The following PPP2R2B variants were observed in gnomAD, a reference collection of about 807,000 sequenced individuals.
PPP2R2B encodes serine/threonine-protein phosphatase 2A 55 kDa regulatory subunit B beta isoform.
A neutral mutation model predicts 46.0 loss-of-function variants in PPP2R2B; 5 were observed. The ratio of observed to expected loss-of-function variants is 0.11; its 90% CI spans 0.06 to 0.23. The LOEUF (loss-of-function observed/expected upper bound fraction) is 0.23. Among genes scored for constraint, PPP2R2B ranks in the 10% least tolerant of loss-of-function variants. PPP2R2B has a pLI of 1.00. For missense variants in PPP2R2B, 367 were observed against 575.0 expected (o/e 0.64, Z 3.70); for synonymous variants, 215 against 206.7 (o/e 1.04, Z -0.34).
chr5:146,797,853 T>A (rs575477961), intron 2 of PPP2R2B, among the ~76,000 whole-genome samples: 1 of 152,302 alleles, frequency 6.6e-6, no homozygotes, highest in South Asian at 2.1e-4. Flanking sequence ...AGAAAGCGGC[T>A]GCCTAAAGAC....
intron 1 of PPP2R2B, among the ~76,000 whole-genome samples, chr5:146,959,411 G>T (rs1561541813): frequency 6.6e-6 from 1 of 152,116 alleles, no homozygotes; most frequent in Non-Finnish European, 1.5e-5. Context: ...TGTAGTATAG[G>T]TATCAAGTGC....
intron 1 of PPP2R2B, among the ~76,000 whole-genome samples, chr5:146,943,742 A>G (rs1764396142): frequency 6.6e-6 from 1 of 152,162 alleles, no homozygotes; most frequent in Non-Finnish European, 1.5e-5. Flanking sequence ...GAAAATCTGT[A>G]AGGAGTTATA....
intron 7 of PPP2R2B, among the ~76,000 whole-genome samples, chr5:146,626,348 T>G (rs1411778458): frequency 6.6e-6 from 1 of 152,216 alleles, no homozygotes; most frequent in Non-Finnish European, 1.5e-5. Context: ...GTTATGATAC[T>G]TATATGAATG....
At chr5:146,849,784 T>G (rs1157188561) in intron 2 of PPP2R2B, among the ~76,000 whole-genome samples, 2 of 152,254 alleles carry the variant, frequency 1.3e-5, no homozygotes, top group East Asian at 3.9e-4. Flanking sequence ...CCACAGCAAT[T>G]TACATTTATT....
At chr5:146,907,498 G>A (rs1403273076) in intron 1 of PPP2R2B, among the ~76,000 whole-genome samples, 2 of 152,180 alleles carry the variant, frequency 1.3e-5, no homozygotes, top group African/African-American at 4.8e-5. Flanking sequence ...GAAGGGCAAA[G>A]TCTACAACAG....
In PPP2R2B at chr5:146,678,648, T is replaced by C. The variant is rs1172069063; in HGVS notation, c.447+12480A>G. On this transcript the variant is annotated intron_variant, in intron 5 of 9. Transcript: ENST00000394411. Reference sequence around the variant, plus strand: ...TGATTGTATATCTAGAAAACCCCATTGTCTCAGCCCAAAATCTCCTTAAGC... The same window carrying C: ...TGATTGTATATCTAGAAAACCCCATCGTCTCAGCCCAAAATCTCCTTAAGC... 7.2e-3 allele frequency among the ~76,000 whole-genome samples: 1,050 copies of C among 145,240 alleles called. 21 individuals are homozygous for C. The highest frequency in any genetic ancestry group is 0.027 in the African/African-American group (996 of 37,062).
chr5:146,831,694 G>A (rs963356266), intron 2 of PPP2R2B, among the ~76,000 whole-genome samples: 4 of 152,154 alleles, frequency 2.6e-5, no homozygotes, highest in Non-Finnish European at 5.9e-5. Flanking sequence ...AGGAGGCTGA[G>A]GCAGGAGAAT....
chr5:146,794,687 G>A (rs765428407), intron 2 of PPP2R2B, among the ~76,000 whole-genome samples: 3 of 152,156 alleles, frequency 2.0e-5, no homozygotes, highest in Admixed American at 6.5e-5. Flanking sequence ...CTGCACAAAT[G>A]ATTTCCTTCA....
At chr5:146,730,951 C>T (rs1752192926) in intron 2 of PPP2R2B, among the ~76,000 whole-genome samples, 1 of 152,132 alleles carries the variant, frequency 6.6e-6, no homozygotes, top group Non-Finnish European at 1.5e-5. Context: ...CAAGAAGAAA[C>T]CGATGAGGCC....
intron 2 of PPP2R2B, among the ~76,000 whole-genome samples, chr5:146,719,710 A>G (rs754797161): frequency 6.6e-6 from 1 of 152,178 alleles, no homozygotes; most frequent in South Asian, 2.1e-4. Context: ...TGGATAGGTC[A>G]TATCTGACAA....
At chr5:146,952,178 C>T (rs1248910165) in intron 1 of PPP2R2B, among the ~76,000 whole-genome samples, 5 of 151,920 alleles carry the variant, frequency 3.3e-5, no homozygotes, top group Non-Finnish European at 4.4e-5. Context: ...AATAACTCTC[C>T]CTTTCTTTCT....
rs1419912283 is a variant in PPP2R2B at position 146,878,404 on chromosome 5, C to T, written c.-125+187G>A. Reference sequence around the variant, plus strand: ...GTGCCCCGAGGGGTCTGGTCCCGCCCGCCCGCCCCGGAGGCGCTCACAAGC... The same window carrying T: ...GTGCCCCGAGGGGTCTGGTCCCGCCTGCCCGCCCCGGAGGCGCTCACAAGC... On this transcript the variant is annotated intron_variant, in intron 1 of 9. Transcript: ENST00000394411. The surrounding 1 kb of genome is among the most constrained non-coding windows in gnomAD (Gnocchi z 4.5). The T allele has an allele frequency of 1.2e-5, 17 of 1,422,686 alleles. No homozygotes were observed. The highest frequency in any genetic ancestry group is 2.9e-5 in the African/African-American group (2 of 69,276). The allele number at this position is 1,422,686 out of a possible 1,614,324, so 88.1% of individuals were successfully genotyped here. A position where few individuals can be genotyped will look rare whatever the true frequency, so the allele number is the denominator to read the frequency against.
chr5:146,633,253 C>G (rs1184789299), intron 7 of PPP2R2B, among the ~76,000 whole-genome samples: 1 of 152,164 alleles, frequency 6.6e-6, no homozygotes, highest in South Asian at 2.1e-4. Flanking sequence ...CGGTTCTCCT[C>G]GGCATTTTGA....
At position 146,698,112 on chromosome 5, in the gene PPP2R2B, G is replaced by A. The variant is rs1779287807; in HGVS notation, c.201C>T (p.Tyr67=). 3.7e-6 allele frequency: 6 copies of A among 1,607,402 alleles called. No homozygotes were observed. The East Asian group carries it at 6.8e-5, about 18-fold the overall frequency. ...GGCTCTGGAATGTGCTGTAAACATT[G>A]TATTCACCCCTACGATGAACCTGAT... is the stretch of plus-strand genomic sequence containing the variant. The part of the protein sequence containing the change: ...SKNQVHRRGE[Y]NVYSTFQSHE... Residue 67 remains tyrosine, a synonymous_variant, in exon 4 of 10, where the codon TAC becomes TAT. Coordinates refer to ENST00000394411, the MANE Select transcript of PPP2R2B (RefSeq NM_181675.4).
intron 7 of PPP2R2B, among the ~76,000 whole-genome samples, chr5:146,609,967 G>T (rs879187632): frequency 1.4e-5 from 2 of 143,624 alleles, no homozygotes; most frequent in African/African-American, 2.8e-5. Context: ...CAAAGCAGCC[G>T]GGAAGCTCGA....
At chr5:147,037,808 GATA>G (rs1161367810) in intron 1 of PPP2R2B, among the ~76,000 whole-genome samples, 5 of 152,232 alleles carry the variant, frequency 3.3e-5, no homozygotes, top group Non-Finnish European at 7.4e-5. Flanking sequence ...CATAAGAACA[GATA>G]ATATTAATTT....
intron 5 of PPP2R2B, among the ~76,000 whole-genome samples, chr5:146,668,320 G>A (rs1777135371): frequency 6.6e-6 from 1 of 152,174 alleles, no homozygotes; most frequent in Non-Finnish European, 1.5e-5. Context: ...CAAAGCACAA[G>A]TGGTCACTAT....
chr5:147,066,927 T>C (rs548283167), intron 2 of PPP2R2B, among the ~76,000 whole-genome samples: 1 of 152,244 alleles, frequency 6.6e-6, no homozygotes, highest in East Asian at 1.9e-4. Context: ...ACCAAGGCCC[T>C]TGGTGGGCTA....
chr5:146,639,980 T>G (rs1278831637), intron 6 of PPP2R2B, among the ~76,000 whole-genome samples: 1 of 152,214 alleles, frequency 6.6e-6, no homozygotes, highest in Non-Finnish European at 1.5e-5. Flanking sequence ...CTGAGATGGA[T>G]GAAAGTCTTG....
Sources: gnomAD v4.1 joint callset for allele counts (sites outside exome capture counted in the v4.1 genomes callset) on GRCh38, gnomAD v4.1.1 for gene constraint, Gnocchi (gnomAD v3.1) non-coding constraint, MANE v1.5 for transcripts, NCBI Gene and HGNC (gene_info 2026-07-23, HGNC 2026-07-21) for gene names.